POTEJ: variants seen among roughly 807,000 people sequenced by gnomAD.
The protein encoded by POTEJ is POTE ankyrin domain family member J.
Under a neutral mutation model 69.0 loss-of-function variants are expected in POTEJ, and 11 were observed. The ratio of observed to expected loss-of-function variants is 0.16; its 90% confidence interval spans 0.10 to 0.26. The LOEUF is 0.26. Among genes scored for constraint, POTEJ ranks in the 10% least tolerant of loss-of-function variants. The pLI is 1.00. For synonymous variants in POTEJ, 117 were observed against 381.1 expected (o/e 0.31, Z 8.07); for missense variants, 327 against 1,045.5 (o/e 0.31, Z 9.48).
intron 6 of POTEJ, among the ~76,000 whole-genome samples, chr2:130,625,042 T>G (rs1305247830): frequency 6.6e-6 from 1 of 152,154 alleles, no homozygotes; most frequent in Non-Finnish European, 1.5e-5. Flanking sequence ...AATGCTAGTA[T>G]GCTACCTGGT....
chr2:130,638,237 T>C (rs1378611661), intron 9 of POTEJ, among the ~76,000 whole-genome samples: 9 of 151,448 alleles, frequency 5.9e-5, no homozygotes, highest in Non-Finnish European at 1.0e-4. Flanking sequence ...AACAACCTAG[T>C]AAAATAAGGC....
chr2:130,624,710 A>C (rs1272146619), intron 6 of POTEJ, among the ~76,000 whole-genome samples: 1 of 151,718 alleles, frequency 6.6e-6, no homozygotes, highest in Non-Finnish European at 1.5e-5. Flanking sequence ...GTCCTACCAT[A>C]GATAAAAAAG....
chr2:130,624,599 G>A (rs1190560929), intron 6 of POTEJ, among the ~76,000 whole-genome samples: 1 of 152,180 alleles, frequency 6.6e-6, no homozygotes, highest in East Asian at 1.9e-4. Context: ...AGCTTCCCTG[G>A]CTTGCCTGCT....
intron 1 of POTEJ, among the ~76,000 whole-genome samples, chr2:130,612,588 G>A (rs545355062): frequency 1.3e-5 from 2 of 152,276 alleles, no homozygotes; most frequent in East Asian, 1.9e-4. Context: ...GTGAAACCCT[G>A]TCTCTACTAA....
rs775452979 is a variant in POTEJ, at chr2:130,657,282, T to TAG, written c.2524_2525dup (p.Asp842GlufsTer8). 4.6e-5 allele frequency: 73 copies of TAG among 1,588,560 alleles called. No individual in the cohort carries two copies. In the African/African-American group the frequency reaches 9.8e-4, roughly 21 times the overall value. ...GCCCTCCCCCATGCCACCCTGCGCC[T>TAG]AGACCTGGCTGGGCGGGAACTGACT... is the stretch of plus-strand genomic sequence containing the variant. On this transcript the variant is annotated frameshift_variant, in exon 15 of 15. Coordinates refer to ENST00000409602, the MANE Select transcript of POTEJ (RefSeq NM_001277083.2). LOFTEE classifies it high-confidence loss of function.
Position 130,655,446 on chromosome 2 carries a change from G to A in POTEJ, c.1788+405G>A, listed in dbSNP as rs1321140085. 2.6e-5 allele frequency among the ~76,000 whole-genome samples: 4 copies of A among 152,256 alleles called. No individual in the cohort carries two copies. The East Asian group carries it at 5.8e-4, about 22-fold the overall frequency. On this transcript the variant is annotated intron_variant, in intron 14 of 14. Transcript: ENST00000409602. ...TAGGAAATGTACAGCTGGGTCAGAG[G>A]CCACATTGTGGATACCATTATCCTT... is the stretch of plus-strand genomic sequence containing the variant.
intron 13 of POTEJ, among the ~76,000 whole-genome samples, chr2:130,652,082 G>T (rs895610582): frequency 7.2e-6 from 1 of 137,936 alleles, no homozygotes. Flanking sequence ...TCATGGGGTC[G>T]GTTTCCTCCA....
Position 130,650,134 on chromosome 2 carries a change from A to G in POTEJ, c.1667+3824A>G, listed in dbSNP as rs1327434493. On this transcript the variant is annotated intron_variant, in intron 13 of 14. Transcript: ENST00000409602. ...TCTAACGTAATTGAGGGAAGTTTCA[A>G]TGAAACAAAGTGATTTATCATCTCT... 5.2e-5 allele frequency among the ~76,000 whole-genome samples: 8 copies of G among 152,392 alleles called. No homozygotes were observed. The East Asian group carries it at 1.3e-3, about 26-fold the overall frequency.
At chr2:130,629,533 G>T (rs1378353649) in intron 6 of POTEJ, among the ~76,000 whole-genome samples, 2 of 145,104 alleles carry the variant, frequency 1.4e-5, no homozygotes, top group Non-Finnish European at 3.0e-5. Context: ...GGGTCACCAT[G>T]ACCTTTCCTG....
chr2:130,621,306 T>C (rs1325337495), intron 4 of POTEJ, among the ~76,000 whole-genome samples, 160 bp from the exon 5 acceptor site: 47 of 152,054 alleles, frequency 3.1e-4, no homozygotes, highest in Non-Finnish European at 5.5e-4. Context: ...ACCTTTGTGG[T>C]ATTTTACAAA....
chr2:130,636,274 G>A (rs548949400), intron 9 of POTEJ, among the ~76,000 whole-genome samples: 120 of 152,318 alleles, frequency 7.9e-4, no homozygotes, highest in Admixed American at 1.6e-3. Context: ...AGGAAGAACC[G>A]TGTACTACCC....
intron 10 of POTEJ, among the ~76,000 whole-genome samples, chr2:130,640,344 G>A (rs1299750167): frequency 3.5e-5 from 5 of 144,792 alleles, no homozygotes; most frequent in African/African-American, 8.0e-5. Flanking sequence ...TGAATACTTA[G>A]CTAAGGCAAG....
At chr2:130,637,149 A>G (rs1479204581) in intron 9 of POTEJ, among the ~76,000 whole-genome samples, 6 of 149,684 alleles carry the variant, frequency 4.0e-5, no homozygotes, top group Non-Finnish European at 7.4e-5. Flanking sequence ...CTGCATTTTT[A>G]AAATCGTTTT....
Position 130,641,401 on chromosome 2 carries a change from T to C in POTEJ, c.1370-2582T>C, listed in dbSNP as rs561722099. ...GCCTTCGTTATGCCTTTTTCACTTG[T>C]TTTGCTTAATTTTTTTCCTGTAAGA... On this transcript the variant is annotated intron_variant, in intron 10 of 14. Transcript: ENST00000409602. Among the ~76,000 whole-genome samples, 3 of 148,708 alleles carry C rather than the reference T, an allele frequency of 2.0e-5. No homozygotes were observed. The East Asian group carries it at 5.8e-4, about 29-fold the overall frequency.
intron 13 of POTEJ, among the ~76,000 whole-genome samples, chr2:130,651,842 A>G (rs569434421): frequency 0.01 from 1,497 of 145,828 alleles, 208 homozygotes; most frequent in Middle Eastern, 0.04. Context: ...AGCTTTTTCT[A>G]TATTTTGACT....
intron 10 of POTEJ, among the ~76,000 whole-genome samples, chr2:130,642,034 A>T (rs1422497801): frequency 6.6e-6 from 1 of 150,832 alleles, no homozygotes; most frequent in Non-Finnish European, 1.5e-5. Flanking sequence ...GAGCGTATGA[A>T]GGCAGCTCAG....
At chr2:130,626,019 T>G (rs1437198407) in intron 6 of POTEJ, among the ~76,000 whole-genome samples, 9 of 143,644 alleles carry the variant, frequency 6.3e-5, no homozygotes, top group South Asian at 2.2e-4. Context: ...CCTTTCATGG[T>G]TGGCTAATCC....
chr2:130,655,345 T>A (rs1167954451), intron 14 of POTEJ, among the ~76,000 whole-genome samples: 1 of 152,208 alleles, frequency 6.6e-6, no homozygotes, highest in Non-Finnish European at 1.5e-5. Context: ...GAAAACAGAT[T>A]TTCTCGTTTT....
chr2:130,657,740 G>C lies in POTEJ; in HGVS notation c.2980G>C (p.Ala994Pro). 7.5e-7 allele frequency: 1 copy of C among 1,339,580 alleles called. No individual in the cohort carries two copies. Among genetic ancestry groups the C allele is most frequent in the South Asian group, 1.2e-5 (1 of 80,106 alleles). 83.0% of individuals were successfully genotyped at this position (1,339,580 alleles called of 1,614,324 possible). ...TAGCATGATGAAGATCAGGATCATT[G>C]CTCCTCCCAAGCGCAAGTACTCCGT... ...APSMMKIRII[A>P]PPKRKYSVWV... Residue 994 changes from alanine (A) to proline (P), a missense_variant, in exon 15 of 15, where the codon GCT (alanine) becomes CCT (proline). Coordinates refer to ENST00000409602, the MANE Select transcript of POTEJ (RefSeq NM_001277083.2).
Sources: allele counts gnomAD v4.1 joint callset (sites outside exome capture counted in the v4.1 genomes callset), GRCh38; gene constraint gnomAD v4.1.1; transcripts MANE v1.5; gene names NCBI Gene and HGNC (gene_info 2026-07-23, HGNC 2026-07-21).